NAV3: variants seen among roughly 807,000 people sequenced by gnomAD.
NAV3 encodes pore membrane and/or filament interacting like protein 1.
A neutral mutation model predicts 244.7 loss-of-function variants in NAV3; 87 were observed. The ratio of observed to expected loss-of-function variants is 0.36; its 90% CI spans 0.30 to 0.42. The LOEUF (loss-of-function observed/expected upper bound fraction) is 0.42. NAV3 is among the 20% of genes least tolerant of loss of function. NAV3 has a pLI of 1.00. For synonymous variants in NAV3, 1,126 were observed against 1,042.2 expected (o/e 1.08, Z -1.55); for missense variants, 2,663 against 2,893.3 (o/e 0.92, Z 1.83).
At chr12:78,147,818 A>C in intron 21 of NAV3, among the ~76,000 whole-genome samples, 1 of 152,184 alleles carries the variant, frequency 6.6e-6, no homozygotes, top group South Asian at 2.1e-4. Flanking sequence ...CAGCATTCCA[A>C]AAGTTCAACT....
intron 3 of NAV3, among the ~76,000 whole-genome samples, chr12:77,963,018 AGTTT>A (rs1270419862): frequency 2.4e-5 from 3 of 124,930 alleles, no homozygotes; most frequent in African/African-American, 7.6e-5. Context: ...GAATTTTGTT[AGTTT>A]GTTTGATATC....
chr12:78,061,335 G>A (rs927092242), intron 12 of NAV3, among the ~76,000 whole-genome samples: 1 of 152,118 alleles, frequency 6.6e-6, no homozygotes. Context: ...TATTAGCTGT[G>A]TTCTGTCAAG....
intron 1 of NAV3, among the ~76,000 whole-genome samples, chr12:77,918,090 G>A (rs1035124750): frequency 6.6e-6 from 1 of 152,018 alleles, no homozygotes; most frequent in Non-Finnish European, 1.5e-5. Context: ...TAAGACTTGA[G>A]TTTATACCTA....
intron 22 of NAV3, among the ~76,000 whole-genome samples, chr12:78,153,631 C>T (rs1957162068): frequency 6.6e-6 from 1 of 151,996 alleles, no homozygotes; most frequent in Non-Finnish European, 1.5e-5. Flanking sequence ...TCAGCCATTA[C>T]ATAATTTGGA....
At chr12:77,741,148 C>CAAAAAAAAAAAAAAAAAAGA (rs1868325681) in intron 2 of NAV3, among the ~76,000 whole-genome samples, 11 of 68,670 alleles carry the variant, frequency 1.6e-4, no homozygotes, top group African/African-American at 2.4e-4. Flanking sequence ...AAAAAAAAGA[C>CAAAAAAAAAAAAAAAAAAGA]AAAAAAAAAA....
chr12:78,140,019 G>A (rs186724745), intron 19 of NAV3, among the ~76,000 whole-genome samples: 36 of 152,178 alleles, frequency 2.4e-4, no homozygotes, highest in Middle Eastern at 3.4e-3. Context: ...CAACATGTAC[G>A]AAACAGGCTG....
intron 3 of NAV3, among the ~76,000 whole-genome samples, chr12:77,953,827 T>C (rs2137698175): frequency 6.6e-6 from 1 of 152,272 alleles, no homozygotes; most frequent in South Asian, 2.1e-4. Context: ...CTTGCCAAAG[T>C]TTTGATTTCT....
rs867055255 is a variant in NAV3, at chr12:77,706,896, A to C, written c.72+134630A>C. Among the ~76,000 whole-genome samples, 341 of 126,850 alleles carry C rather than the reference A, an allele frequency of 2.7e-3. 11 individuals carry two copies. Among genetic ancestry groups the C allele is most frequent in the African/African-American group, 0.01 (336 of 32,114 alleles). The allele number at this position is 126,850 out of a possible 152,430, so 83.2% of individuals were successfully genotyped here. The stretch of plus-strand genomic sequence containing the variant: ...AAAAAAAAAAAAAAAAAAAAAAACC[A>C]AAAAAAAAAAAACTAGGAAAAAAAG... On this transcript the variant is annotated intron_variant, in intron 2 of 8. Coordinates refer to the NAV3 transcript ENST00000550042.
At chr12:78,051,614 A>G (rs1185045454) in intron 11 of NAV3, among the ~76,000 whole-genome samples, 1 of 152,168 alleles carries the variant, frequency 6.6e-6, no homozygotes, top group Non-Finnish European at 1.5e-5. Context: ...TTTGGAGTTG[A>G]AAGTTTCACT....
intron 3 of NAV3, among the ~76,000 whole-genome samples, chr12:77,964,012 C>T (rs1041824999): frequency 6.8e-6 from 1 of 148,042 alleles, no homozygotes; most frequent in South Asian, 2.2e-4. Context: ...CTCCTCCTCC[C>T]TCCTCTTCCC....
At chr12:77,828,995 A>T (rs1873308276), upstream of NAV3, among the ~76,000 whole-genome samples, 1 of 152,230 alleles carries the variant, frequency 6.6e-6, no homozygotes, top group Admixed American at 6.5e-5. Context: ...CAGAATAGTC[A>T]GCGTAGAATT....
chr12:77,668,232 A>G (rs1278365602), intron 2 of NAV3, among the ~76,000 whole-genome samples: 2 of 152,146 alleles, frequency 1.3e-5, no homozygotes, highest in East Asian at 1.9e-4. Flanking sequence ...GTTCTTGATT[A>G]CCCCCAAAAG....
intron 1 of NAV3, among the ~76,000 whole-genome samples, chr12:77,901,496 G>T (rs1454845323): frequency 6.6e-6 from 1 of 152,024 alleles, no homozygotes; most frequent in East Asian, 1.9e-4. Context: ...GATCACCTGA[G>T]GTTACGAGTT....
At chr12:77,783,091 T>A (rs1870744398) in intron 2 of NAV3, among the ~76,000 whole-genome samples, 1 of 152,032 alleles carries the variant, frequency 6.6e-6, no homozygotes, top group Non-Finnish European at 1.5e-5. Context: ...CCATCAACTG[T>A]ATATATGATT....
chr12:77,758,160 T>C (rs543704722), intron 2 of NAV3, among the ~76,000 whole-genome samples: 1 of 152,202 alleles, frequency 6.6e-6, no homozygotes, highest in Non-Finnish European at 1.5e-5. Flanking sequence ...TCGTCAGAGA[T>C]GCCTGTGACC....
At chr12:77,669,056 G>A (rs115084892) in intron 2 of NAV3, among the ~76,000 whole-genome samples, 3,843 of 152,164 alleles carry the variant, frequency 0.025, 64 homozygotes, top group South Asian at 0.032. Context: ...TCTAAGTTTC[G>A]TAAATGAAGA....
At chr12:78,195,094 A>G (rs914732769) in intron 34 of NAV3, among the ~76,000 whole-genome samples, 4 of 151,972 alleles carry the variant, frequency 2.6e-5, no homozygotes, top group Admixed American at 6.6e-5. Context: ...TATCTTTCAC[A>G]TTTCTGTTTC....
intron 18 of NAV3, among the ~76,000 whole-genome samples, chr12:78,135,047 G>C (rs1956314981): frequency 6.6e-6 from 1 of 152,050 alleles, no homozygotes; most frequent in Non-Finnish European, 1.5e-5. Context: ...AAAACTGAAG[G>C]GTAGTGATTG....
intron 2 of NAV3, among the ~76,000 whole-genome samples, chr12:77,643,900 A>G (rs892022508): frequency 6.6e-6 from 1 of 152,114 alleles, no homozygotes; most frequent in African/African-American, 2.4e-5. Context: ...GCAATATTAA[A>G]CTAGTCTTCC....
Sources: allele counts gnomAD v4.1 joint callset (sites outside exome capture counted in the v4.1 genomes callset), GRCh38; gene constraint gnomAD v4.1.1; transcripts MANE v1.5; gene names NCBI Gene and HGNC (gene_info 2026-07-23, HGNC 2026-07-21).